Variants in SFPQ observed in about 807,000 individuals in gnomAD.
The protein encoded by SFPQ is splicing factor, proline- and glutamine-rich.
SFPQ carries 11 observed loss-of-function variants against 72.9 expected under a neutral mutation model. That is an observed-to-expected ratio of 0.15 (90% CI 0.09 to 0.25). The LOEUF is 0.25. Ranked by LOEUF, SFPQ falls within the 10% of genes least tolerant of loss-of-function variation. SFPQ has a pLI of 1.00. For missense variants in SFPQ, 847 were observed against 993.3 expected (o/e 0.85, Z 1.98); for synonymous variants, 506 against 367.3 (o/e 1.38, Z -4.32).
intron 2 of SFPQ, 122 bp from the exon 3 acceptor site, chr1:35,191,117 G>T: frequency 1.1e-6 from 1 of 941,484 alleles, no homozygotes; most frequent in Non-Finnish European, 1.6e-6. Context: ...TTACCTTTAG[G>T]CAGCACCCAC....
At chr1:35,186,214 C>CA (rs1639703764) in intron 9 of SFPQ, among the ~76,000 whole-genome samples, 1 of 152,176 alleles carries the variant, frequency 6.6e-6, no homozygotes, top group African/African-American at 2.4e-5. Flanking sequence ...ACATTCAACT[C>CA]AGCTATAAAA....
At chr1:35,179,520 C>G, downstream of SFPQ, 1 of 1,054,948 alleles carries the variant, frequency 9.5e-7, no homozygotes, top group Non-Finnish European at 1.1e-6. Flanking sequence ...AATGCAAGCA[C>G]CTCGGTATAG....
At chr1:35,182,922 GACA>G, downstream of SFPQ, 2 of 1,045,648 alleles carry the variant, frequency 1.9e-6, no homozygotes, top group Non-Finnish European at 2.3e-6. Flanking sequence ...ACAATTAACT[GACA>G]ACACCATGGA....
At chr1:35,185,511 TAGA>T (rs1435002795) in intron 9 of SFPQ, among the ~76,000 whole-genome samples, 2 of 152,154 alleles carry the variant, frequency 1.3e-5, no homozygotes, top group African/African-American at 4.8e-5. Flanking sequence ...ATTCTGGAGA[TAGA>T]AGTTTTCAAT....
chr1:35,182,263 A>C (rs748846925), downstream of SFPQ: 1 of 985,140 alleles, frequency 1.0e-6, no homozygotes, highest in Non-Finnish European at 1.2e-6. Context: ...ATATAATTCA[A>C]CCAAACTGTA....
At chr1:35,181,559 G>T, downstream of SFPQ, 4 of 1,061,970 alleles carry the variant, frequency 3.8e-6, no homozygotes, top group Non-Finnish European at 4.6e-6. Flanking sequence ...AATGGGCTAT[G>T]CTTATAAAAT....
At chr1:35,188,709 C>T (rs757709452) in intron 6 of SFPQ, among the ~76,000 whole-genome samples, 1 of 152,146 alleles carries the variant, frequency 6.6e-6, no homozygotes, top group Admixed American at 6.5e-5. Flanking sequence ...GTAATCCTAG[C>T]ACTTTGGGAG....
intron 9 of SFPQ, among the ~76,000 whole-genome samples, chr1:35,186,456 T>C (rs2148615886): frequency 6.6e-6 from 1 of 152,306 alleles, no homozygotes; most frequent in East Asian, 1.9e-4. Flanking sequence ...TTAGAAGGTA[T>C]ACCTACAGAC....
chr1:35,178,151 GTAAGTTACAGCA>G, downstream of SFPQ: 1 of 1,090,620 alleles, frequency 9.2e-7, no homozygotes, highest in Non-Finnish European at 1.1e-6. Flanking sequence ...AAGATTGGGG[GTAAGTTACAGCA>G]TAAAAAAATA....
In SFPQ at chr1:35,192,262, C is replaced by A. The variant is rs1458208275; in HGVS notation, c.788G>T (p.Gly263Val). 9 of 1,463,882 alleles carry A rather than the reference C, an allele frequency of 6.1e-6. No homozygotes were observed. Among genetic ancestry groups the A allele is most frequent in the African/African-American group, 1.5e-5 (1 of 67,752 alleles). 90.7% of individuals were successfully genotyped at this position (1,463,882 alleles called of 1,614,324 possible). ...QQHHQGPPPG[G>V]PGGRSEEKIS... ...CTTCTCCTCGCTGCGGCCGCCGGGC[C>A]CGCCGGGCGGGGGCCCCTGGTGATG... Residue 263 changes from glycine (G) to valine (V), a missense_variant, in exon 1 of 10, where the codon GGG becomes GTG. This residue lies in a region of SFPQ where 498 missense variants were observed against 405.1 expected (regional missense o/e 1.23). Transcript: ENST00000357214.
Position 35,184,182 on chromosome 1 carries a change from A to G in SFPQ, c.*274T>C, listed in dbSNP as rs977570329. 56 of 1,174,052 alleles carry G rather than the reference A, an allele frequency of 4.8e-5. No homozygotes were observed. Among genetic ancestry groups the G allele is most frequent in the Non-Finnish European group, 5.6e-5 (53 of 952,830 alleles). The allele number at this position is 1,174,052 out of a possible 1,614,324, so 72.7% of individuals were successfully genotyped here. A position where few individuals can be genotyped will look rare whatever the true frequency, so the allele number is the denominator to read the frequency against. On this transcript the variant is annotated 3_prime_UTR_variant, in exon 10 of 10. Coordinates refer to ENST00000357214, the MANE Select transcript of SFPQ (RefSeq NM_005066.3). The stretch of plus-strand genomic sequence containing the variant: ...AAAAAAAAAATTGGTACACTTTGGA[A>G]ATTCAGTGGCACAAGGTACACTGCC...
intron 6 of SFPQ, among the ~76,000 whole-genome samples, chr1:35,188,371 C>T (rs149883679): frequency 9.9e-4 from 151 of 152,242 alleles, no homozygotes; most frequent in African/African-American, 3.4e-3. Flanking sequence ...ACATCTTTTC[C>T]CTAAATGTCA....
At position 35,187,342 on chromosome 1, in the gene SFPQ, A is replaced by T. The variant is rs1282623647; in HGVS notation, c.1816-91T>A. 1.1e-5 allele frequency: 13 copies of T among 1,187,108 alleles called. No homozygotes were observed. In the African/African-American group the frequency reaches 1.8e-4, roughly 17 times the overall value. The allele number at this position is 1,187,108 out of a possible 1,614,324, so 73.5% of individuals were successfully genotyped here. On this transcript the variant is annotated intron_variant, in intron 7 of 9. Coordinates refer to ENST00000357214, the MANE Select transcript of SFPQ (RefSeq NM_005066.3). ...AGAAATTTTCAAGAGTTAAATAAAAAACATGGTAAAGTTCAAAAGTTCATC... is the reference window on the plus strand; with the variant it reads ...AGAAATTTTCAAGAGTTAAATAAAATACATGGTAAAGTTCAAAAGTTCATC...
downstream of SFPQ, chr1:35,181,638 C>T (rs114089903): frequency 3.8e-6 from 4 of 1,060,444 alleles, no homozygotes; most frequent in Non-Finnish European, 3.4e-6. Context: ...TAAAAAACAA[C>T]CAGTGTTCCT....
chr1:35,192,759 CTGCTGCTGATGCGGCTGT>C lies in SFPQ; in HGVS notation c.273_290del (p.His94_Pro99del). 1 of 1,497,194 alleles carries C rather than the reference CTGCTGCTGATGCGGCTGT, an allele frequency of 6.7e-7. No individual in the cohort carries two copies. Among genetic ancestry groups the C allele is most frequent in the Non-Finnish European group, 8.9e-7 (1 of 1,129,120 alleles). The allele number at this position is 1,497,194 out of a possible 1,614,324, so 92.7% of individuals were successfully genotyped here. The stretch of plus-strand genomic sequence containing the variant: ...AGTCCTGCGGCGGTGGCGGCGGCTG[CTGCTGCTGATGCGGCTGT>C]GGATGCGGCGGCGGCTGATGCGGTG... On this transcript the variant is annotated inframe_deletion, in exon 1 of 10. Coordinates refer to ENST00000357214, the MANE Select transcript of SFPQ (RefSeq NM_005066.3).
At position 35,183,082 on chromosome 1, in the gene SFPQ, G is replaced by A. The variant is rs549250773; in HGVS notation, c.*1374C>T. 2.6e-4 allele frequency: 269 copies of A among 1,031,542 alleles called. 1 individual carries two copies. The African/African-American group carries it at 4.3e-3, about 16-fold the overall frequency. The allele number at this position is 1,031,542 out of a possible 1,614,324, so 63.9% of individuals were successfully genotyped here. A position where few individuals can be genotyped will look rare whatever the true frequency, so the allele number is the denominator to read the frequency against. ...AGAATGATTATCTGCAACCCTATTTGTTAACAATCACCACTAGCTCTTAGA... is the reference window on the plus strand; with the variant it reads ...AGAATGATTATCTGCAACCCTATTTATTAACAATCACCACTAGCTCTTAGA... On this transcript the variant is annotated 3_prime_UTR_variant, in exon 10 of 10. Transcript: ENST00000357214.
In SFPQ at chr1:35,183,860, T is replaced by A; in HGVS notation, c.*596A>T. ...ATTCCTGAAGATTTACAGTTCAGCT[T>A]TGCTTACATAACCATTTAAAAAATA... is the stretch of plus-strand genomic sequence containing the variant. On this transcript the variant is annotated 3_prime_UTR_variant, in exon 10 of 10. Coordinates refer to ENST00000357214, the MANE Select transcript of SFPQ (RefSeq NM_005066.3). 4 of 1,054,818 alleles carry A rather than the reference T, an allele frequency of 3.8e-6. No individual in the cohort carries two copies. Among genetic ancestry groups the A allele is most frequent in the Non-Finnish European group, 4.6e-6 (4 of 872,584 alleles). 65.3% of individuals were successfully genotyped at this position (1,054,818 alleles called of 1,614,324 possible).
At chr1:35,178,057 G>C (rs779288282), downstream of SFPQ, 2 of 1,279,892 alleles carry the variant, frequency 1.6e-6, no homozygotes, top group South Asian at 1.4e-5. Context: ...ATAAGAAAAA[G>C]TTAATATAAA....
At chr1:35,182,564 A>G, downstream of SFPQ, 2 of 985,418 alleles carry the variant, frequency 2.0e-6, no homozygotes, top group Non-Finnish European at 1.2e-6. Flanking sequence ...AAGTGCTCAG[A>G]TTGTTCCAAC....
Sources: gnomAD v4.1 joint callset for allele counts (sites outside exome capture counted in the v4.1 genomes callset) on GRCh38, gnomAD v4.1.1 for gene constraint, gnomAD v4.1.1 regional missense constraint, MANE v1.5 for transcripts, NCBI Gene and HGNC (gene_info 2026-07-23, HGNC 2026-07-21) for gene names.